The following CREB5 variants were observed in gnomAD, a reference collection of about 807,000 sequenced individuals.
CREB5 encodes cyclic AMP-responsive element-binding protein 5.
In CREB5, 19 loss-of-function variants were observed where a neutral mutation model predicts 57.1. That is an observed-to-expected ratio of 0.33 (90% CI 0.23 to 0.49). The LOEUF is 0.49. CREB5 is among the 20% of genes least tolerant of loss of function. CREB5 has a pLI of 0.99. For missense variants in CREB5, 579 were observed against 671.6 expected (o/e 0.86, Z 1.52); for synonymous variants, 238 against 238.3 (o/e 1.00, Z 0.01).
At chr7:28,554,178 A>T (rs1278325108) in intron 4 of CREB5, among the ~76,000 whole-genome samples, 10 of 152,182 alleles carry the variant, frequency 6.6e-5, no homozygotes, top group Non-Finnish European at 4.4e-5. Flanking sequence ...AAAATCACTG[A>T]ATTAGTAGTC....
chr7:28,552,990 G>T (rs10951200), intron 4 of CREB5, among the ~76,000 whole-genome samples: 1 of 151,998 alleles, frequency 6.6e-6, no homozygotes, highest in Non-Finnish European at 1.5e-5. Flanking sequence ...GTCTCTGAGC[G>T]TGGTGGGCGC....
chr7:28,487,892 T>C (rs1352102288), intron 1 of CREB5, among the ~76,000 whole-genome samples: 1 of 152,184 alleles, frequency 6.6e-6, no homozygotes, highest in Non-Finnish European at 1.5e-5. Context: ...CAGGTGGTTT[T>C]CCACAGGGAG....
chr7:28,480,356 C>A (rs1289494741), intron 1 of CREB5, among the ~76,000 whole-genome samples: 1 of 152,148 alleles, frequency 6.6e-6, no homozygotes, highest in African/African-American at 2.4e-5. Flanking sequence ...CAGTTTTGCA[C>A]TGAATTTCGT....
intron 5 of CREB5, among the ~76,000 whole-genome samples, chr7:28,641,730 C>T (rs1798667390): frequency 6.6e-6 from 1 of 152,216 alleles, no homozygotes; most frequent in African/African-American, 2.4e-5. Context: ...GATCCAGCTC[C>T]ATGAGAAGAG....
intron 1 of CREB5, among the ~76,000 whole-genome samples, chr7:28,381,515 A>G (rs1811249): frequency 0.98 from 148,706 of 152,338 alleles, 72,689 homozygotes; most frequent in East Asian, 1. Flanking sequence ...ATAGATCACT[A>G]GAAGAATCAG....
intron 1 of CREB5, among the ~76,000 whole-genome samples, chr7:28,399,005 C>T (rs868404853): frequency 3.9e-5 from 6 of 152,146 alleles, no homozygotes; most frequent in South Asian, 2.1e-4. Context: ...CATGAGCCAC[C>T]GCACCTGGTC....
At position 28,700,223 on chromosome 7, in the gene CREB5, C is replaced by G. The variant is rs114220875; in HGVS notation, c.465-18530C>G. ...GCTACCAATATCTCTCCAACTCACA[C>G]ACGCGCACAAGCACACACACACATG... On this transcript the variant is annotated intron_variant, in intron 5 of 10. Transcript: ENST00000357727. Among the ~76,000 whole-genome samples the G allele has an allele frequency of 4.1e-3, 617 of 152,304 alleles. 5 individuals carry two copies. Among genetic ancestry groups the G allele is most frequent in the African/African-American group, 0.014 (583 of 41,568 alleles).
At chr7:28,545,633 A>G (rs1355309806) in intron 4 of CREB5, among the ~76,000 whole-genome samples, 1 of 152,204 alleles carries the variant, frequency 6.6e-6, no homozygotes, top group African/African-American at 2.4e-5. Context: ...GCTTTACTTT[A>G]TTAAAATTGT....
chr7:28,672,844 A>G (rs1289641149), intron 5 of CREB5, among the ~76,000 whole-genome samples: 2 of 152,198 alleles, frequency 1.3e-5, no homozygotes, highest in Non-Finnish European at 2.9e-5. Flanking sequence ...GGACTTTAAA[A>G]TTTTCATGCT....
intron 8 of CREB5, among the ~76,000 whole-genome samples, chr7:28,806,275 T>C (rs530127447): frequency 6.6e-6 from 1 of 152,332 alleles, no homozygotes; most frequent in African/African-American, 2.4e-5. Flanking sequence ...ACAGTTGCTT[T>C]TTTTAATTGT....
chr7:28,523,918 A>G (rs778657164), intron 4 of CREB5, among the ~76,000 whole-genome samples: 2 of 152,182 alleles, frequency 1.3e-5, no homozygotes, highest in Non-Finnish European at 2.9e-5. Flanking sequence ...ATATTTGCTG[A>G]AACTGCCTCC....
At chr7:28,636,834 C>T (rs1266260707) in intron 5 of CREB5, among the ~76,000 whole-genome samples, 1 of 152,194 alleles carries the variant, frequency 6.6e-6, no homozygotes, top group Non-Finnish European at 1.5e-5. Context: ...CCAGCCTCCT[C>T]ACTCCTGCAG....
intron 5 of CREB5, among the ~76,000 whole-genome samples, chr7:28,688,739 G>A (rs1479810106): frequency 6.6e-6 from 1 of 152,180 alleles, no homozygotes; most frequent in South Asian, 2.1e-4. Context: ...ATGCCTATCT[G>A]TGGGAAGAAA....
intron 7 of CREB5, among the ~76,000 whole-genome samples, chr7:28,727,012 C>A (rs28521598): frequency 0.61 from 92,399 of 151,310 alleles, 28,770 homozygotes; most frequent in Admixed American, 0.69. Flanking sequence ...TCTTTGCCCC[C>A]AATTAGTAAT....
chr7:28,431,361 A>C (rs1788706944), intron 1 of CREB5, among the ~76,000 whole-genome samples: 1 of 152,212 alleles, frequency 6.6e-6, no homozygotes, highest in African/African-American at 2.4e-5. Flanking sequence ...ATAATGTCAC[A>C]CTATTTGAAA....
At chr7:28,527,779 T>C (rs958075797) in intron 4 of CREB5, among the ~76,000 whole-genome samples, 5 of 152,140 alleles carry the variant, frequency 3.3e-5, no homozygotes, top group Admixed American at 3.3e-4. Flanking sequence ...GATTGCATCA[T>C]TGCACTCCAG....
intron 5 of CREB5, among the ~76,000 whole-genome samples, chr7:28,702,770 C>A (rs1801927926): frequency 6.6e-6 from 1 of 152,292 alleles, no homozygotes; most frequent in East Asian, 1.9e-4. Flanking sequence ...GACCCTTTAA[C>A]TTTGTGGTTG....
chr7:28,447,661 G>A (rs1300809522), intron 1 of CREB5, among the ~76,000 whole-genome samples: 1 of 152,122 alleles, frequency 6.6e-6, no homozygotes, highest in Non-Finnish European at 1.5e-5. Flanking sequence ...ATTGTGGGAA[G>A]TGGTGAGGTG....
chr7:28,373,668 C>T (rs2127994474), intron 1 of CREB5, among the ~76,000 whole-genome samples: 1 of 151,990 alleles, frequency 6.6e-6, no homozygotes, highest in South Asian at 2.1e-4. Flanking sequence ...TCAAGCAATC[C>T]ACCTGCCTTG....
Sources: gnomAD v4.1 joint callset for allele counts (sites outside exome capture counted in the v4.1 genomes callset) on GRCh38, gnomAD v4.1.1 for gene constraint, MANE v1.5 for transcripts, NCBI Gene and HGNC (gene_info 2026-07-23, HGNC 2026-07-21) for gene names.